Variants in KCNH7 observed in about 807,000 individuals in gnomAD.
The protein encoded by KCNH7 is voltage-gated inwardly rectifying potassium channel KCNH7.
KCNH7 carries 49 observed loss-of-function variants against 120.8 expected under a neutral mutation model. The ratio of observed to expected loss-of-function variants is 0.41; its 90% CI spans 0.32 to 0.51. The LOEUF is 0.51. Ranked by LOEUF, KCNH7 falls within the 20% of genes least tolerant of loss-of-function variation. The pLI, the probability that KCNH7 is intolerant of heterozygous loss-of-function variation, is 0.38. For synonymous variants in KCNH7, 547 were observed against 516.1 expected (o/e 1.06, Z -0.81); for missense variants, 1,097 against 1,446.6 (o/e 0.76, Z 3.92).
intron 2 of KCNH7, among the ~76,000 whole-genome samples, chr2:162,604,240 A>C (rs528525454): frequency 2.8e-4 from 43 of 152,236 alleles, no homozygotes; most frequent in Non-Finnish European, 4.9e-4. Context: ...TTGGTGATGA[A>C]AAAGAAGGTA....
At chr2:162,514,878 AG>A (rs1176399122) in intron 4 of KCNH7, among the ~76,000 whole-genome samples, 1 of 151,754 alleles carries the variant, frequency 6.6e-6, no homozygotes, top group African/African-American at 2.4e-5. Flanking sequence ...AGTTCTGTGA[AG>A]ATAGCCTGTA....
intron 6 of KCNH7, among the ~76,000 whole-genome samples, chr2:162,484,000 T>C (rs1690011793): frequency 6.6e-6 from 1 of 152,010 alleles, no homozygotes; most frequent in Non-Finnish European, 1.5e-5. Context: ...AGCACTGGAG[T>C]CAGAGTCCAG....
At chr2:162,686,296 C>T (rs1685888600) in intron 2 of KCNH7, among the ~76,000 whole-genome samples, 1 of 151,986 alleles carries the variant, frequency 6.6e-6, no homozygotes, top group Non-Finnish European at 1.5e-5. Context: ...CAAAACAAAG[C>T]AAATCAAATA....
intron 6 of KCNH7, among the ~76,000 whole-genome samples, chr2:162,471,449 G>C (rs932582854): frequency 1.3e-5 from 2 of 152,106 alleles, no homozygotes; most frequent in Admixed American, 6.6e-5. Flanking sequence ...TTTGAGAGCA[G>C]TCAATGAGAA....
chr2:162,509,052 A>C (rs570049426), intron 5 of KCNH7, among the ~76,000 whole-genome samples: 47 of 151,602 alleles, frequency 3.1e-4, no homozygotes, highest in African/African-American at 1.1e-3. Context: ...AGTAGACTAA[A>C]CCAACAGCTG....
At chr2:162,432,821 A>C (rs1688113848) in intron 8 of KCNH7, among the ~76,000 whole-genome samples, 1 of 152,084 alleles carries the variant, frequency 6.6e-6, no homozygotes, top group Non-Finnish European at 1.5e-5. Flanking sequence ...ACAAGCAGGC[A>C]AGAGAAAGAA....
At chr2:162,729,505 T>C (rs1444057797) in intron 2 of KCNH7, among the ~76,000 whole-genome samples, 2 of 152,200 alleles carry the variant, frequency 1.3e-5, no homozygotes, top group African/African-American at 4.8e-5. Context: ...TATTTGAAAA[T>C]TGATCTGGTT....
At chr2:162,486,121 A>C (rs745308305) in intron 6 of KCNH7, among the ~76,000 whole-genome samples, 11 of 152,198 alleles carry the variant, frequency 7.2e-5, no homozygotes, top group Non-Finnish European at 1.6e-4. Context: ...GCAAGAGAAA[A>C]GAGAGGAGCC....
chr2:162,521,593 T>C (rs866998250), intron 3 of KCNH7, among the ~76,000 whole-genome samples: 1 of 151,868 alleles, frequency 6.6e-6, no homozygotes, highest in African/African-American at 2.4e-5. Context: ...ATCATTGCAA[T>C]AGAACTAAAC....
intron 5 of KCNH7, among the ~76,000 whole-genome samples, chr2:162,505,102 C>T (rs544799546): frequency 6.6e-6 from 1 of 152,048 alleles, no homozygotes; most frequent in African/African-American, 2.4e-5. Flanking sequence ...ATTTGTGTTA[C>T]TCCCCTGTCT....
chr2:162,779,741 A>G (rs780308525), intron 2 of KCNH7, among the ~76,000 whole-genome samples: 3 of 152,132 alleles, frequency 2.0e-5, no homozygotes, highest in Non-Finnish European at 4.4e-5. Flanking sequence ...ACACTGTCTG[A>G]GCCAACCACG....
intron 2 of KCNH7, among the ~76,000 whole-genome samples, chr2:162,780,139 C>A (rs1041531229): frequency 6.6e-6 from 1 of 152,132 alleles, no homozygotes; most frequent in African/African-American, 2.4e-5. Context: ...AAAAGTAATT[C>A]CCTTCCTTAA....
At chr2:162,760,774 G>T (rs1688941703) in intron 2 of KCNH7, among the ~76,000 whole-genome samples, 2 of 151,940 alleles carry the variant, frequency 1.3e-5, no homozygotes, top group African/African-American at 4.8e-5. Context: ...TGCTCTAAAA[G>T]GATTTTCCCT....
intron 6 of KCNH7, among the ~76,000 whole-genome samples, chr2:162,464,937 A>T (rs1689260638): frequency 6.6e-6 from 1 of 152,152 alleles, no homozygotes; most frequent in Non-Finnish European, 1.5e-5. Flanking sequence ...GGCATATTAT[A>T]GGGTTGCCAA....
At chr2:162,465,488 G>A (rs1689276532) in intron 6 of KCNH7, among the ~76,000 whole-genome samples, 1 of 152,096 alleles carries the variant, frequency 6.6e-6, no homozygotes, top group Non-Finnish European at 1.5e-5. Flanking sequence ...CAATTGCCGT[G>A]GCAGTACAGG....
At chr2:162,422,396 T>C (rs1005901018) in intron 9 of KCNH7, among the ~76,000 whole-genome samples, 1 of 152,172 alleles carries the variant, frequency 6.6e-6, no homozygotes, top group Non-Finnish European at 1.5e-5. Flanking sequence ...TAATTAAATA[T>C]GAGTGCTTTT....
At chr2:162,788,063 C>T (rs1357569596) in intron 2 of KCNH7, among the ~76,000 whole-genome samples, 1 of 150,126 alleles carries the variant, frequency 6.7e-6, no homozygotes, top group Non-Finnish European at 1.5e-5. Flanking sequence ...AAGGGGAGAC[C>T]AAAAGGATTG....
intron 5 of KCNH7, among the ~76,000 whole-genome samples, chr2:162,510,480 G>T (rs1691034259): frequency 6.6e-6 from 1 of 151,312 alleles, no homozygotes; most frequent in Admixed American, 6.6e-5. Flanking sequence ...TTAAAGAATG[G>T]CATCCTCTGG....
At chr2:162,714,099 G>C (rs967761787) in intron 2 of KCNH7, among the ~76,000 whole-genome samples, 48 of 152,180 alleles carry the variant, frequency 3.2e-4, no homozygotes, top group African/African-American at 1.2e-3. Context: ...TTCCGTGCCA[G>C]CCTATTCCTT....
Sources: gnomAD v4.1 joint callset for allele counts (sites outside exome capture counted in the v4.1 genomes callset) on GRCh38, gnomAD v4.1.1 for gene constraint, MANE v1.5 for transcripts, NCBI Gene and HGNC (gene_info 2026-07-23, HGNC 2026-07-21) for gene names.